GSPT1: variants seen among roughly 807,000 people sequenced by gnomAD.
GSPT1 encodes G1 to S phase transition 1.
Under a neutral mutation model 72.5 loss-of-function variants are expected in GSPT1, and 20 were observed. The ratio of observed to expected loss-of-function variants is 0.28; its 90% CI spans 0.19 to 0.40. The LOEUF (loss-of-function observed/expected upper bound fraction) is 0.40. Ranked by LOEUF, GSPT1 falls within the 10% of genes least tolerant of loss-of-function variation. The pLI, the probability that GSPT1 is intolerant of heterozygous loss-of-function variation, is 1.00. For missense variants in GSPT1, 580 were observed against 811.9 expected (o/e 0.71, Z 3.47); for synonymous variants, 334 against 293.5 (o/e 1.14, Z -1.41).
Position 11,886,530 on chromosome 16 carries a change from G to T in GSPT1, c.1194C>A (p.Pro398=), listed in dbSNP as rs915668703. ...FNPKKDIHFM[P]CSGLTGANLK... is the part of the protein sequence containing the mutation. The stretch of plus-strand genomic sequence containing the variant: ...GATTTGCTCCAGTAAGTCCTGAGCA[G>T]GGCATAAAGTGAATGTCCTTTTTGG... Residue 398 remains proline, a synonymous_variant, in exon 9 of 15, where the codon CCC becomes CCA. Coordinates refer to ENST00000434724, the MANE Select transcript of GSPT1 (RefSeq NM_002094.4). 1.9e-6 allele frequency: 3 copies of T among 1,612,556 alleles called. No individual in the cohort carries two copies. Among genetic ancestry groups the T allele is most frequent in the Non-Finnish European group, 2.5e-6 (3 of 1,178,636 alleles).
chr16:11,891,321 ATATTACACATTTT>A (rs2054256580), intron 5 of GSPT1, among the ~76,000 whole-genome samples, 182 bp from the exon 6 acceptor site: 1 of 146,896 alleles, frequency 6.8e-6, no homozygotes, highest in African/African-American at 2.5e-5. Context: ...TATATAAAAT[ATATTACACATTTT>A]TATATAAAAT....
Position 11,915,511 on chromosome 16 carries a change from G to T in GSPT1, c.210C>A (p.Asn70Lys). The T allele has an allele frequency of 1.3e-6, 2 of 1,540,506 alleles. No homozygotes were observed. Among genetic ancestry groups the T allele is most frequent in the Non-Finnish European group, 1.7e-6 (2 of 1,145,668 alleles). ...NLSAAFSRQL[N>K]VNAKPFVPNV... ...TGGGCACGAAGGGCTTGGCGTTGAC[G>T]TTGAGTTGCCGGCTGAAGGCCGCGC... Residue 70 changes from asparagine (N) to lysine (K), a missense_variant, in exon 1 of 15, where the codon AAC becomes AAA. Asn to Lys is a moderately conservative substitution (Grantham distance 94). Transcript: ENST00000434724.
At chr16:11,876,510 G>T (rs1337560440) in intron 12 of GSPT1, among the ~76,000 whole-genome samples, 4 of 152,138 alleles carry the variant, frequency 2.6e-5, no homozygotes, top group Admixed American at 2.6e-4. Flanking sequence ...CGGCAGGGGG[G>T]CCGGGGGGAT....
rs922932286 is a variant in GSPT1 at position 11,870,767 on chromosome 16, A to G, written c.*2352T>C. On this transcript the variant is annotated 3_prime_UTR_variant, in exon 15 of 15. Coordinates refer to ENST00000434724, the MANE Select transcript of GSPT1 (RefSeq NM_002094.4). ...CACTGAAATTTCTTTTGAATAATCT[A>G]ATCTTGCAAATATGCAAGAATCCAG... 1 of 152,226 alleles carries G rather than the reference A, an allele frequency of 6.6e-6. No individual in the cohort carries two copies. Among genetic ancestry groups the G allele is most frequent in the South Asian group, 2.1e-4 (1 of 4,830 alleles). 9.4% of individuals were successfully genotyped at this position (152,226 alleles called of 1,614,324 possible).
chr16:11,901,199 T>C (rs1277497093), intron 1 of GSPT1, among the ~76,000 whole-genome samples: 1 of 152,050 alleles, frequency 6.6e-6, no homozygotes, highest in South Asian at 2.1e-4. Context: ...CCTATCTTCA[T>C]ACATACACAG....
At chr16:11,899,700 G>C (rs886438205) in intron 1 of GSPT1, among the ~76,000 whole-genome samples, 13 of 152,026 alleles carry the variant, frequency 8.6e-5, no homozygotes, top group African/African-American at 3.1e-4. Flanking sequence ...TTAAGGATAA[G>C]GTAAGGAAAA....
chr16:11,892,516 AAAAAAAC>A (rs2054276104), intron 5 of GSPT1, among the ~76,000 whole-genome samples: 4 of 140,814 alleles, frequency 2.8e-5, no homozygotes, highest in South Asian at 4.4e-4. Context: ...CAAAAAAACA[AAAAAAAC>A]AAAAAAAACA....
intron 1 of GSPT1, among the ~76,000 whole-genome samples, chr16:11,906,190 C>A (rs1022801880): frequency 6.6e-6 from 1 of 152,044 alleles, no homozygotes; most frequent in Non-Finnish European, 1.5e-5. Flanking sequence ...CAGGCATGAG[C>A]CACCACAACT....
intron 11 of GSPT1, chr16:11,880,271 A>G (rs2054105498): frequency 6.6e-6 from 1 of 152,192 alleles, no homozygotes; most frequent in African/African-American, 2.4e-5. Flanking sequence ...CCTTCTGGCT[A>G]CTGTGAATAA....
At position 11,873,125 on chromosome 16, in the gene GSPT1, T is replaced by C; in HGVS notation, c.1908A>G (p.Lys636=). ...IGKVLKLVPE[K]D is the part of the protein sequence containing the mutation. ...AGGGTCATCAAGAAAATGCTTAGTC[T>C]TTCTCTGGAACCAGTTTCAGAACTT... The change falls in exon 15 of 15, where the codon AAA becomes AAG. Residue 636 remains lysine, a synonymous_variant. Coordinates refer to ENST00000434724, the MANE Select transcript of GSPT1 (RefSeq NM_002094.4). 6.3e-7 allele frequency: 1 copy of C among 1,590,422 alleles called. No individual in the cohort carries two copies. Among genetic ancestry groups the C allele is most frequent in the Non-Finnish European group, 8.6e-7 (1 of 1,158,766 alleles).
chr16:11,908,248 A>G (rs183328461), intron 1 of GSPT1: 2 of 152,290 alleles, frequency 1.3e-5, no homozygotes, highest in Non-Finnish European at 2.9e-5. Flanking sequence ...CTCAAAAACA[A>G]AAAAGAAACA....
chr16:11,905,376 C>T (rs1024578067), intron 1 of GSPT1, among the ~76,000 whole-genome samples: 5 of 152,120 alleles, frequency 3.3e-5, no homozygotes, highest in Non-Finnish European at 4.4e-5. Context: ...ATGTGGTTCT[C>T]GATTACACTT....
upstream of GSPT1, among the ~76,000 whole-genome samples, chr16:11,916,279 G>T (rs553857913): frequency 2.5e-3 from 381 of 152,372 alleles, 2 homozygotes; most frequent in Admixed American, 6.5e-3. Flanking sequence ...CACCTGGTGG[G>T]GGGGCAGCGG....
intron 11 of GSPT1, among the ~76,000 whole-genome samples, chr16:11,882,799 TAA>T (rs549417221): frequency 7.0e-6 from 1 of 143,374 alleles, no homozygotes; most frequent in African/African-American, 2.6e-5. Context: ...AATTTTTATT[TAA>T]AAAAAAAAAA....
intron 14 of GSPT1, among the ~76,000 whole-genome samples, 188 bp downstream of exon 14, chr16:11,875,573 G>C (rs1227830198): frequency 2.6e-5 from 4 of 152,024 alleles, no homozygotes; most frequent in African/African-American, 9.7e-5. Flanking sequence ...TACTAGATTT[G>C]GCATTACTAC....
chr16:11,903,611 C>T (rs1043658400), intron 1 of GSPT1, among the ~76,000 whole-genome samples: 2 of 151,916 alleles, frequency 1.3e-5, no homozygotes, highest in African/African-American at 2.4e-5. Flanking sequence ...CACTTGAACC[C>T]GGGAGGTGGA....
At position 11,869,759 on chromosome 16, in the gene GSPT1, G is replaced by A. The variant is rs1364882687; in HGVS notation, c.*3360C>T. The A allele has an allele frequency of 6.6e-6, 1 of 152,184 alleles. No homozygotes were observed. Among genetic ancestry groups the A allele is most frequent in the Non-Finnish European group, 1.5e-5 (1 of 68,034 alleles). 9.4% of individuals were successfully genotyped at this position (152,184 alleles called of 1,614,324 possible). A position where few individuals can be genotyped will look rare whatever the true frequency, so the allele number is the denominator to read the frequency against. ...GCTGTTATGTGTAATAGTCATCAAA[G>A]ATCACGGAGTAATTCCAGTCATTAC... is the stretch of plus-strand genomic sequence containing the variant. On this transcript the variant is annotated 3_prime_UTR_variant, in exon 15 of 15. Transcript: ENST00000434724.
In GSPT1 at chr16:11,875,881, G is replaced by C; in HGVS notation, c.1741C>G (p.Arg581Gly). 2 of 1,613,472 alleles carry C rather than the reference G, an allele frequency of 1.2e-6. No homozygotes were observed. Among genetic ancestry groups the C allele is most frequent in the South Asian group, 1.1e-5 (1 of 91,030 alleles). The change falls in exon 14 of 15, where the codon CGA becomes GGA. Residue 581 changes from arginine to glycine, a missense_variant. Physicochemically the swap from Arg to Gly is moderately radical, Grantham distance 125. Transcript: ENST00000434724. Reference sequence around the variant, plus strand: ...TGATCTTGTTTGACAAAACGGGGTCGGGTCTTACTTTTTTCTCCTGATTTT... The same window carrying C: ...TGATCTTGTTTGACAAAACGGGGTCCGGTCTTACTTTTTTCTCCTGATTTT... Reference protein sequence around the residue: ...DKKSGEKSKTRPRFVKQDQVC... With the variant: ...DKKSGEKSKTGPRFVKQDQVC...
At chr16:11,874,494 T>G (rs2054016083) in intron 14 of GSPT1, among the ~76,000 whole-genome samples, 1 of 136,700 alleles carries the variant, frequency 7.3e-6, no homozygotes, top group South Asian at 2.4e-4. Flanking sequence ...TAAAGCCAAG[T>G]TAGCTTTTAG....
Sources: allele counts gnomAD v4.1 joint callset (sites outside exome capture counted in the v4.1 genomes callset), GRCh38; gene constraint gnomAD v4.1.1; transcripts MANE v1.5; gene names NCBI Gene and HGNC (gene_info 2026-07-23, HGNC 2026-07-21).